Variants in RGL1 observed in about 807,000 individuals in gnomAD.
The protein encoded by RGL1 is ral guanine nucleotide dissociation stimulator like 1, also known as ral guanine nucleotide dissociation stimulator-like 1.
RGL1 carries 24 observed loss-of-function variants against 95.2 expected under a neutral mutation model. The ratio of observed to expected loss-of-function variants is 0.25; its 90% CI spans 0.18 to 0.35. The LOEUF (loss-of-function observed/expected upper bound fraction) is 0.35. Ranked by LOEUF, RGL1 falls within the 10% of genes least tolerant of loss-of-function variation. The pLI is 1.00. For synonymous variants in RGL1, 329 were observed against 344.9 expected (o/e 0.95, Z 0.51); for missense variants, 715 against 936.3 (o/e 0.76, Z 3.08).
intron 4 of RGL1, among the ~76,000 whole-genome samples, chr1:183,876,621 A>C (rs1446500055): frequency 6.6e-6 from 1 of 152,246 alleles, no homozygotes; most frequent in African/African-American, 2.4e-5. Flanking sequence ...TGCCTTTACA[A>C]GTTATTCAAG....
Position 183,879,857 on chromosome 1 carries a change from A to G in RGL1, c.426-759A>G, listed in dbSNP as rs138034449. On this transcript the variant is annotated intron_variant, in intron 4 of 17. Coordinates refer to ENST00000360851, the MANE Select transcript of RGL1 (RefSeq NM_001297671.3). ...CAACATGCTGTGTTATTACTAACATACTGGAGGGAGCTGTGCACATACAAA... is the reference window on the plus strand; with the variant it reads ...CAACATGCTGTGTTATTACTAACATGCTGGAGGGAGCTGTGCACATACAAA... 5.5e-3 allele frequency among the ~76,000 whole-genome samples: 840 copies of G among 152,330 alleles called. 8 individuals are homozygous for G. The highest frequency in any genetic ancestry group is 0.019 in the African/African-American group (801 of 41,558).
In RGL1 at chr1:183,840,122, T is replaced by C. The variant is rs534727178; in HGVS notation, c.139-7444T>C. Among the ~76,000 whole-genome samples the C allele has an allele frequency of 1.7e-4, 26 of 152,272 alleles. No individual in the cohort carries two copies. The South Asian group carries it at 5.4e-3, about 32-fold the overall frequency. On this transcript the variant is annotated intron_variant, in intron 2 of 17. Transcript: ENST00000360851. ...TGTTCAGATTCTTCCTGGCCACTCT[T>C]TGTAGTATTCTTCTTTCCCCCTGGG...
intron 16 of RGL1, 114 bp from the exon 17 acceptor site, chr1:183,922,108 C>G: frequency 1.2e-6 from 1 of 819,052 alleles, no homozygotes; most frequent in East Asian, 2.7e-5. Flanking sequence ...TCCACGAGTC[C>G]GTTCTTTCTG....
At chr1:183,661,231 GAC>G (rs1188475241) in intron 1 of RGL1, among the ~76,000 whole-genome samples, 5 of 152,120 alleles carry the variant, frequency 3.3e-5, no homozygotes, top group African/African-American at 9.7e-5. Flanking sequence ...AGGAAATAGA[GAC>G]ACAAAAAACC....
At chr1:183,832,563 G>A (rs981710037) in intron 2 of RGL1, among the ~76,000 whole-genome samples, 5 of 152,116 alleles carry the variant, frequency 3.3e-5, no homozygotes, top group Admixed American at 2.0e-4. Context: ...CCATATTGAT[G>A]GTAAGTGAAG....
chr1:183,793,076 G>T (rs544790429), intron 2 of RGL1, among the ~76,000 whole-genome samples: 84 of 152,094 alleles, frequency 5.5e-4, no homozygotes, highest in Non-Finnish European at 9.9e-4. Context: ...GTATGGTATT[G>T]GTTTAAAAAC....
At chr1:183,778,119 C>A (rs1277181772) in intron 2 of RGL1, among the ~76,000 whole-genome samples, 1 of 152,142 alleles carries the variant, frequency 6.6e-6, no homozygotes, top group Non-Finnish European at 1.5e-5. Flanking sequence ...ATTTTTGGCT[C>A]ACTTTCCACC....
chr1:183,908,693 C>T (rs1668479775), intron 14 of RGL1, among the ~76,000 whole-genome samples: 1 of 152,186 alleles, frequency 6.6e-6, no homozygotes, highest in Non-Finnish European at 1.5e-5. Flanking sequence ...GGAGTCCAGA[C>T]ATGCAGGGGA....
intron 1 of RGL1, among the ~76,000 whole-genome samples, chr1:183,688,316 A>T (rs539974750): frequency 6.6e-6 from 1 of 152,250 alleles, no homozygotes. Flanking sequence ...TCCTTGGGAA[A>T]TTTTTGCTTG....
intron 1 of RGL1, among the ~76,000 whole-genome samples, chr1:183,655,131 T>C (rs1044351470): frequency 2.0e-5 from 3 of 152,246 alleles, no homozygotes; most frequent in Non-Finnish European, 4.4e-5. Flanking sequence ...TGTAGAGATA[T>C]TATGAGATTA....
At chr1:183,796,618 G>A (rs1660715654) in intron 2 of RGL1, among the ~76,000 whole-genome samples, 1 of 152,152 alleles carries the variant, frequency 6.6e-6, no homozygotes, top group East Asian at 1.9e-4. Context: ...TAACTGCAGA[G>A]CCTTCACTCT....
At chr1:183,910,541 T>G (rs1266681078) in intron 14 of RGL1, among the ~76,000 whole-genome samples, 1 of 152,232 alleles carries the variant, frequency 6.6e-6, no homozygotes, top group Non-Finnish European at 1.5e-5. Context: ...CCATCTCTTC[T>G]GATATGGGCC....
intron 1 of RGL1, among the ~76,000 whole-genome samples, chr1:183,725,882 C>T (rs1177277802): frequency 1.3e-5 from 2 of 152,140 alleles, no homozygotes; most frequent in African/African-American, 4.8e-5. Flanking sequence ...TGCAGTGGAG[C>T]ATTTACCAAG....
rs1667933478 is a variant in RGL1, at chr1:183,900,137, G to A, written c.1231-13G>A. The A allele has an allele frequency of 6.2e-7, 1 of 1,609,052 alleles. No homozygotes were observed. Among genetic ancestry groups the A allele is most frequent in the South Asian group, 1.1e-5 (1 of 90,766 alleles). On this transcript the variant is annotated splice_polypyrimidine_tract_variant and intron_variant, in intron 10 of 17. Transcript: ENST00000360851. Reference sequence around the variant, plus strand: ...ATGACAATAAAGACAGTTTTGCTTTGGATGCTCTTCAGGGTGTGATGCAGG... The same window carrying A: ...ATGACAATAAAGACAGTTTTGCTTTAGATGCTCTTCAGGGTGTGATGCAGG...
In RGL1 at chr1:183,849,735, G is replaced by A. The variant is rs183754731; in HGVS notation, c.347+1961G>A. The stretch of plus-strand genomic sequence containing the variant: ...CGATCTCTTGACCTCATGATCTGCC[G>A]CCTCAGCCTCCCAAAGTGCTGGGAT... On this transcript the variant is annotated intron_variant, in intron 3 of 17. Coordinates refer to ENST00000360851, the MANE Select transcript of RGL1 (RefSeq NM_001297671.3). Among the ~76,000 whole-genome samples, 99 of 152,010 alleles carry A rather than the reference G, an allele frequency of 6.5e-4. 1 individual carries two copies. Among genetic ancestry groups the A allele is most frequent in the Admixed American group, 2.2e-3 (33 of 15,258 alleles).
intron 2 of RGL1, among the ~76,000 whole-genome samples, chr1:183,769,779 T>A (rs1359359704): frequency 6.6e-6 from 1 of 152,346 alleles, no homozygotes; most frequent in East Asian, 1.9e-4. Flanking sequence ...GGCAGTTTGA[T>A]TTTTAAAGGC....
At chr1:183,855,846 T>G (rs1665107140) in intron 3 of RGL1, among the ~76,000 whole-genome samples, 1 of 152,244 alleles carries the variant, frequency 6.6e-6, no homozygotes, top group South Asian at 2.1e-4. Flanking sequence ...CTGAGTTATT[T>G]ATTAATGTTT....
chr1:183,703,980 G>A (rs916571918), intron 1 of RGL1, among the ~76,000 whole-genome samples: 1 of 152,180 alleles, frequency 6.6e-6, no homozygotes, highest in East Asian at 1.9e-4. Context: ...TTGAGAGTGA[G>A]GAAGAACGAA....
At chr1:183,728,191 C>G (rs1426841188) in intron 1 of RGL1, among the ~76,000 whole-genome samples, 1 of 152,150 alleles carries the variant, frequency 6.6e-6, no homozygotes. Context: ...GAACGTATAT[C>G]ATCAGTTCTA....
Sources: allele counts gnomAD v4.1 joint callset (sites outside exome capture counted in the v4.1 genomes callset), GRCh38; gene constraint gnomAD v4.1.1; transcripts MANE v1.5; gene names NCBI Gene and HGNC (gene_info 2026-07-23, HGNC 2026-07-21).